Variants in TMEM167A observed in about 807,000 individuals in gnomAD.
TMEM167A encodes transmembrane protein 167A, also known as protein kish-A.
In TMEM167A, 8 loss-of-function variants were observed where a neutral mutation model predicts 11.6. The ratio of observed to expected loss-of-function variants is 0.69; its 90% CI spans 0.40 to 1.24. The LOEUF is 1.24. TMEM167A is among the 50% of genes most tolerant of loss of function. The probability of loss-of-function intolerance (pLI) is 0.01; values close to 1 mark genes in which losing one functional copy is unlikely to be tolerated. For synonymous variants in TMEM167A, 22 were observed against 28.0 expected (o/e 0.79, Z 0.67); for missense variants, 62 against 87.0 (o/e 0.71, Z 1.14).
chr5:83,077,008 G>A (rs17205642), intron 1 of TMEM167A, among the ~76,000 whole-genome samples: 3,009 of 152,344 alleles, frequency 0.02, 38 homozygotes, highest in Non-Finnish European at 0.026. Context: ...AACTCGAGAA[G>A]CGCTAATGCT....
chr5:83,057,755 TA>T (rs779654868), intron 3 of TMEM167A, among the ~76,000 whole-genome samples: 20 of 152,130 alleles, frequency 1.3e-4, no homozygotes, highest in Non-Finnish European at 2.6e-4. Flanking sequence ...AAAGTAGAAC[TA>T]AAACTAACCA....
chr5:83,064,994 C>T lies in TMEM167A; in HGVS notation c.113+14G>A, dbSNP rs1210520734. On this transcript the variant is annotated intron_variant, in intron 2 of 3. Coordinates refer to ENST00000502346, the MANE Select transcript of TMEM167A (RefSeq NM_174909.5). ...AGAACTAATTTGGGTGATTAGACAT[C>T]ATTAGTAACATACCCAGTTTTATTT... 1 of 1,494,138 alleles carries T rather than the reference C, an allele frequency of 6.7e-7. No homozygotes were observed. Among genetic ancestry groups the T allele is most frequent in the Non-Finnish European group, 9.3e-7 (1 of 1,079,538 alleles). 92.6% of individuals were successfully genotyped at this position (1,494,138 alleles called of 1,614,324 possible).
chr5:83,060,223 T>C (rs7722924), intron 3 of TMEM167A, among the ~76,000 whole-genome samples: 74,126 of 150,242 alleles, frequency 0.49, 19,176 homozygotes, highest in African/African-American at 0.63. Flanking sequence ...TTCAATTCTC[T>C]ATCCTATTAA....
At chr5:83,067,596 G>A (rs138007741) in intron 1 of TMEM167A, among the ~76,000 whole-genome samples, 1,726 of 152,104 alleles carry the variant, frequency 0.011, 25 homozygotes, top group African/African-American at 0.04. Flanking sequence ...CCTCCACCTC[G>A]TGGGTTCAAG....
intron 1 of TMEM167A, 67 bp from the exon 2 acceptor site, chr5:83,065,184 AAT>A: frequency 2.0e-6 from 2 of 991,664 alleles, no homozygotes; most frequent in Non-Finnish European, 1.5e-6. Flanking sequence ...AATGTTTGAC[AAT>A]TCCACATTTA....
chr5:83,061,991 A>G (rs1304998604), intron 2 of TMEM167A, 80 bp from the exon 3 acceptor site: 1 of 1,145,038 alleles, frequency 8.7e-7, no homozygotes, highest in African/African-American at 1.6e-5. Flanking sequence ...CATATAGGGA[A>G]TTAATTGTAT....
At chr5:83,074,796 GT>G (rs1744614531) in intron 1 of TMEM167A, among the ~76,000 whole-genome samples, 1 of 150,436 alleles carries the variant, frequency 6.6e-6, no homozygotes, top group Non-Finnish European at 1.5e-5. Flanking sequence ...TTGAGATGGA[GT>G]TTCGCTCTTG....
At chr5:83,073,085 T>C (rs757318529) in intron 1 of TMEM167A, among the ~76,000 whole-genome samples, 1 of 152,236 alleles carries the variant, frequency 6.6e-6, no homozygotes, top group Non-Finnish European at 1.5e-5. Flanking sequence ...GTTGCATAGT[T>C]GAAAGGGCAC....
At chr5:83,076,326 G>A (rs1006935816) in intron 1 of TMEM167A, among the ~76,000 whole-genome samples, 1 of 152,212 alleles carries the variant, frequency 6.6e-6, no homozygotes, top group Non-Finnish European at 1.5e-5. Flanking sequence ...TGACAAGATA[G>A]TTTATATACT....
rs946136431 is a variant in TMEM167A at position 83,055,014 on chromosome 5, C to T, written c.*2070G>A. The T allele has an allele frequency of 3.9e-5, 6 of 151,976 alleles. No homozygotes were observed. The highest frequency in any genetic ancestry group is 7.4e-5 in the Non-Finnish European group (5 of 67,936). The allele number at this position is 151,976 out of a possible 1,614,324, so 9.4% of individuals were successfully genotyped here. A position where few individuals can be genotyped will look rare whatever the true frequency, so the allele number is the denominator to read the frequency against. On this transcript the variant is annotated 3_prime_UTR_variant, in exon 4 of 4. Coordinates refer to ENST00000502346, the MANE Select transcript of TMEM167A (RefSeq NM_174909.5). Reference sequence around the variant, plus strand: ...TCCGTGGTCCTCTTTGAAAAATATACATTAAAGAAAATGTTAATTGCTTTT... The same window carrying T: ...TCCGTGGTCCTCTTTGAAAAATATATATTAAAGAAAATGTTAATTGCTTTT...
intron 2 of TMEM167A, chr5:83,064,365 G>A (rs768367534): frequency 7.7e-6 from 4 of 517,662 alleles, no homozygotes; most frequent in Admixed American, 1.9e-5. Context: ...AAGAATTTTC[G>A]TGATAGCATA....
rs1404148030 is a variant in TMEM167A, at chr5:83,057,508, T to C, written c.149-354A>G. Among the ~76,000 whole-genome samples the C allele has an allele frequency of 3.9e-5, 6 of 152,016 alleles. No individual in the cohort carries two copies. The East Asian group carries it at 1.2e-3, about 29-fold the overall frequency. On this transcript the variant is annotated intron_variant, in intron 3 of 3. Transcript: ENST00000502346. ...CAACTCAATTGAGGCCAAAGAAATA[T>C]TGTTTATTTTCTGTCTATAAAAAGA...
Position 83,056,201 on chromosome 5 carries a change from T to A in TMEM167A, c.*883A>T, listed in dbSNP as rs113932895. On this transcript the variant is annotated 3_prime_UTR_variant, in exon 4 of 4. Transcript: ENST00000502346. ...AAAACACAAACTGGATTTAAAGTGC[T>A]GTGTTAAAAAACAAAACAAAAATAC... is the stretch of plus-strand genomic sequence containing the variant. The A allele has an allele frequency of 1.7e-4, 26 of 152,156 alleles. No homozygotes were observed. Among genetic ancestry groups the A allele is most frequent in the African/African-American group, 5.8e-4 (24 of 41,546 alleles). The allele number at this position is 152,156 out of a possible 1,614,324, so 9.4% of individuals were successfully genotyped here.
At chr5:83,063,237 C>T (rs1371000906) in intron 2 of TMEM167A, among the ~76,000 whole-genome samples, 1 of 152,010 alleles carries the variant, frequency 6.6e-6, no homozygotes, top group South Asian at 2.1e-4. Flanking sequence ...TAACTGTGAG[C>T]AAGGTATTGT....
rs1744462055 is a variant in TMEM167A at position 83,065,033 on chromosome 5, T to G, written c.88A>C (p.Ser30Arg). Residue 30 changes from serine to arginine, a missense_variant, in exon 2 of 4, where the codon AGC becomes CGC. Ser to Arg is a moderately radical substitution (Grantham distance 110, BLOSUM62 -1). Coordinates refer to ENST00000502346, the MANE Select transcript of TMEM167A (RefSeq NM_174909.5). ...TCAYIRSLAP[S>R]LLDRNKTGLL... ...CCAGTTTTATTTCTGTCCAGGAGGC[T>G]GGGTGCCAAGGATCGAATATAAGCA... is the stretch of plus-strand genomic sequence containing the variant. 1.2e-6 allele frequency: 2 copies of G among 1,606,316 alleles called. No individual in the cohort carries two copies. The highest frequency in any genetic ancestry group is 1.7e-6 in the Non-Finnish European group (2 of 1,177,132).
intron 3 of TMEM167A, 40 bp downstream of exon 3, chr5:83,061,837 T>C (rs760619890): frequency 6.3e-6 from 10 of 1,577,544 alleles, no homozygotes; most frequent in Non-Finnish European, 8.7e-6. Context: ...TGGTCAACAA[T>C]TTACAGCTGA....
At chr5:83,064,223 T>A in intron 2 of TMEM167A, 1 of 518,340 alleles carries the variant, frequency 1.9e-6, no homozygotes, top group African/African-American at 1.9e-5. Flanking sequence ...AGAAATATAC[T>A]ACCACTCAAC....
rs1331935689 is a variant in TMEM167A, at chr5:83,077,354, C to G, written c.-31G>C. 1 of 1,614,196 alleles carries G rather than the reference C, an allele frequency of 6.2e-7. No homozygotes were observed. Among genetic ancestry groups the G allele is most frequent in the African/African-American group, 1.3e-5 (1 of 75,072 alleles). ...GGCCGGCGATGCCGCAGCCACATCA[C>G]CCTTCCGGGGCTCAGGCGGAAGAGG... On this transcript the variant is annotated 5_prime_UTR_variant, in exon 1 of 4. Coordinates refer to ENST00000502346, the MANE Select transcript of TMEM167A (RefSeq NM_174909.5).
At chr5:83,072,707 T>C (rs1368931500) in intron 1 of TMEM167A, among the ~76,000 whole-genome samples, 1 of 152,068 alleles carries the variant, frequency 6.6e-6, no homozygotes, top group Admixed American at 6.6e-5. Flanking sequence ...TTTTTTTGTA[T>C]TTTTAGTAGA....
Sources: gnomAD v4.1 joint callset for allele counts (sites outside exome capture counted in the v4.1 genomes callset) on GRCh38, gnomAD v4.1.1 for gene constraint, MANE v1.5 for transcripts, NCBI Gene and HGNC (gene_info 2026-07-23, HGNC 2026-07-21) for gene names.